SENP3: variants seen among roughly 807,000 people sequenced by gnomAD.
SENP3 encodes SUMO specific peptidase 3.
SENP3 carries 11 observed loss-of-function variants against 66.2 expected under a neutral mutation model. That is an observed-to-expected ratio of 0.17 (90% CI 0.10 to 0.28). The LOEUF (loss-of-function observed/expected upper bound fraction) is 0.28. SENP3 is among the 10% of genes least tolerant of loss of function. The pLI is 1.00. For synonymous variants in SENP3, 292 were observed against 277.6 expected (o/e 1.05, Z -0.52); for missense variants, 548 against 743.7 (o/e 0.74, Z 3.06).
chr17:7,564,564 A>C (rs909414274), intron 2 of SENP3, 61 bp from the exon 3 acceptor site: 3 of 1,598,866 alleles, frequency 1.9e-6, no homozygotes, highest in Non-Finnish European at 1.7e-6. Flanking sequence ...AACTGTGTGC[A>C]TCCCATTGTG....
At chr17:7,566,039 A>G (rs894133093) in intron 6 of SENP3, 3 of 332,850 alleles carry the variant, frequency 9.0e-6, no homozygotes, top group African/African-American at 2.1e-5. Context: ...GATTTAAAAA[A>G]AAAAAGAAAA....
Position 7,564,878 on chromosome 17 carries a change from A to T in SENP3, c.955+14A>T. The T allele has an allele frequency of 6.2e-7, 1 of 1,603,288 alleles. No homozygotes were observed. The highest frequency in any genetic ancestry group is 8.5e-7 in the Non-Finnish European group (1 of 1,172,032). ...CCTGCGTACAGAGTAAGGAGCCCTT[A>T]AGCAACTAGCCTCTCTCCCTTCTCC... On this transcript the variant is annotated intron_variant, in intron 3 of 10. Coordinates refer to ENST00000321337, the MANE Select transcript of SENP3 (RefSeq NM_015670.6).
chr17:7,563,397 C>T lies in SENP3; in HGVS notation c.321C>T (p.Thr107=). 2.6e-6 allele frequency: 4 copies of T among 1,551,018 alleles called. No homozygotes were observed. Among genetic ancestry groups the T allele is most frequent in the Non-Finnish European group, 3.5e-6 (4 of 1,146,940 alleles). ...RLPPRWSQLG[T]SQRPRPSRPT... ...CCCCAAGATGGAGTCAGCTGGGAAC[C>T]TCCCAGCGGCCCCGCCCTTCCCGCC... Residue 107 remains threonine, a synonymous_variant, in exon 2 of 11, where the codon ACC becomes ACT. Transcript: ENST00000321337.
In SENP3 at chr17:7,564,775, A is replaced by G. The variant is rs1222652885; in HGVS notation, c.866A>G (p.Asp289Gly). 1 of 1,613,976 alleles carries G rather than the reference A, an allele frequency of 6.2e-7. No individual in the cohort carries two copies. The part of the protein sequence containing the change: ...HVAQELFQGS[D>G]LGMAEEAERP... The stretch of plus-strand genomic sequence containing the variant: ...GCCCAGGAGCTTTTTCAGGGCTCAG[A>G]TTTGGGCATGGCAGAAGAGGCAGAG... The change falls in exon 3 of 11, where the codon GAT becomes GGT. Residue 289 changes from aspartate to glycine, a missense_variant. Transcript: ENST00000321337.
chr17:7,569,093 AT>A (rs1567729958), intron 7 of SENP3, among the ~76,000 whole-genome samples: 1 of 152,114 alleles, frequency 6.6e-6, no homozygotes, highest in Non-Finnish European at 1.5e-5. Flanking sequence ...AGGAAAGAAG[AT>A]TTGTTTTTTT....
At chr17:7,567,101 GTCTT>G in intron 7 of SENP3, 97 bp downstream of exon 7, 1 of 836,688 alleles carries the variant, frequency 1.2e-6, no homozygotes. Flanking sequence ...TGTTCATTCA[GTCTT>G]TCAAAGATTA....
Position 7,562,794 on chromosome 17 carries a change from G to C in SENP3, c.-11-272G>C, listed in dbSNP as rs1171028062. On this transcript the variant is annotated intron_variant, in intron 1 of 10. Transcript: ENST00000321337. The surrounding 1 kb of genome is among the most constrained non-coding windows in gnomAD (Gnocchi z 5.0). ...AGACGTAGAACCTGGCAGTGCTATT[G>C]GGTTTGGCCTGGTGATCTTAGAAAT... is the stretch of plus-strand genomic sequence containing the variant. 6.6e-6 allele frequency among the ~76,000 whole-genome samples: 1 copy of C among 152,186 alleles called. No homozygotes were observed. Among genetic ancestry groups the C allele is most frequent in the African/African-American group, 2.4e-5 (1 of 41,438 alleles).
Position 7,564,700 on chromosome 17 carries a change from C to G in SENP3, c.791C>G (p.Pro264Arg). 1 of 1,614,042 alleles carries G rather than the reference C, an allele frequency of 6.2e-7. No homozygotes were observed. Among genetic ancestry groups the G allele is most frequent in the African/African-American group, 1.3e-5 (1 of 75,056 alleles). Reference sequence around the variant, plus strand: ...GAAGGGGAGCGCAGCTTGGCACCCCCTGATGCCAGCATCCTCATCAGCAAT... The same window carrying G: ...GAAGGGGAGCGCAGCTTGGCACCCCGTGATGCCAGCATCCTCATCAGCAAT... ...GPEGERSLAP[P>R]DASILISNVC... Residue 264 changes from proline to arginine, a missense_variant, in exon 3 of 11, where the codon CCT becomes CGT. This residue lies in a region of SENP3 where 215 missense variants were observed against 230.7 expected (regional missense o/e 0.93). Coordinates refer to ENST00000321337, the MANE Select transcript of SENP3 (RefSeq NM_015670.6).
chr17:7,571,561 T>A lies in SENP3; in HGVS notation c.*78T>A. 1 of 926,844 alleles carries A rather than the reference T, an allele frequency of 1.1e-6. No homozygotes were observed. Among genetic ancestry groups the A allele is most frequent in the Non-Finnish European group, 1.7e-6 (1 of 574,376 alleles). The allele number at this position is 926,844 out of a possible 1,614,324, so 57.4% of individuals were successfully genotyped here. On this transcript the variant is annotated 3_prime_UTR_variant, in exon 11 of 11. Coordinates refer to ENST00000321337, the MANE Select transcript of SENP3 (RefSeq NM_015670.6). Reference sequence around the variant, plus strand: ...CCTTCCCAAGAAACTCCAGTTCCTTTCCTCTCTTGCCTCTTCCCACTCACT... The same window carrying A: ...CCTTCCCAAGAAACTCCAGTTCCTTACCTCTCTTGCCTCTTCCCACTCACT...
rs937352313 is a variant in SENP3, at chr17:7,571,053, T to C, written c.1614+120T>C. ...CAGTTGTGGAGCAGGAAGTAATCTG[T>C]TTTAGAACACCAAAACACTGGCTTC... On this transcript the variant is annotated intron_variant, in intron 10 of 10. Transcript: ENST00000321337. The C allele has an allele frequency of 2.3e-5, 20 of 854,952 alleles. No individual in the cohort carries two copies. The Admixed American group carries it at 5.2e-4, about 22-fold the overall frequency. The allele number at this position is 854,952 out of a possible 1,614,324, so 53.0% of individuals were successfully genotyped here. A position where few individuals can be genotyped will look rare whatever the true frequency, so the allele number is the denominator to read the frequency against.
Position 7,571,433 on chromosome 17 carries a change from C to CCTGGTAT in SENP3, c.1675_1676insCTGGTAT (p.Leu559ProfsTer29). ...CTTCACCCAGCAGGACATGCCCAAA[C>CCTGGTAT]TTCGTCGGCAGATCTACAAGGAGCT... is the stretch of plus-strand genomic sequence containing the variant. On this transcript the variant is annotated frameshift_variant, in exon 11 of 11. Transcript: ENST00000321337. LOFTEE classifies it high-confidence loss of function. 1.9e-6 allele frequency: 3 copies of CCTGGTAT among 1,610,008 alleles called. No homozygotes were observed. In the Admixed American group the frequency reaches 5.1e-5, roughly 27 times the overall value.
rs58537439 is a variant in SENP3 at position 7,571,837 on chromosome 17, TTATATATATATATA to T, written c.*413_*426del. The T allele has an allele frequency of 2.3e-4, 7 of 30,484 alleles. No homozygotes were observed. Among genetic ancestry groups the T allele is most frequent in the Admixed American group, 2.1e-3 (4 of 1,912 alleles). 1.9% of individuals were successfully genotyped at this position (30,484 alleles called of 1,614,324 possible). On this transcript the variant is annotated 3_prime_UTR_variant, in exon 11 of 11. Coordinates refer to ENST00000321337, the MANE Select transcript of SENP3 (RefSeq NM_015670.6). ...CACTGCCTGCCAGATCTTCAAACTTTTATATATATATATATATATATATATATATATATATATAT... is the reference window on the plus strand; with the variant it reads ...CACTGCCTGCCAGATCTTCAAACTTTTATATATATATATATATATATATAT...
rs754609939 is a variant in SENP3 at position 7,563,334 on chromosome 17, T to G, written c.258T>G (p.Asp86Glu). The change falls in exon 2 of 11, where the codon GAT becomes GAG. Residue 86 changes from aspartate (D) to glutamate (E), a missense_variant. By Grantham distance (45) the Asp-to-Glu change is conservative. This residue lies in a region of SENP3 where 164 missense variants were observed against 167.9 expected (regional missense o/e 0.98). Transcript: ENST00000321337. ...EEEEEEEEEE[D>E]EDEEEEVAAW... Reference sequence around the variant, plus strand: ...AGGAAGAAGAGGAGGAGGAGGAGGATGAAGATGAAGAGGAGGAAGTGGCAG... The same window carrying G: ...AGGAAGAAGAGGAGGAGGAGGAGGAGGAAGATGAAGAGGAGGAAGTGGCAG... 1.9e-6 allele frequency: 3 copies of G among 1,552,234 alleles called. No homozygotes were observed. In the South Asian group the frequency reaches 3.6e-5, roughly 18 times the overall value.
Position 7,570,996 on chromosome 17 carries a change from G to T in SENP3, c.1614+63G>T. ...GTCAGTTGGGTTAAAGGGTCGGGAGGCTGTTATGCATCCCCTCATTTGGCT... is the reference window on the plus strand; with the variant it reads ...GTCAGTTGGGTTAAAGGGTCGGGAGTCTGTTATGCATCCCCTCATTTGGCT... On this transcript the variant is annotated intron_variant, in intron 10 of 10. Coordinates refer to ENST00000321337, the MANE Select transcript of SENP3 (RefSeq NM_015670.6). The surrounding 1 kb of genome is among the most constrained non-coding windows in gnomAD (Gnocchi z 5.4). 7.0e-7 allele frequency: 1 copy of T among 1,435,466 alleles called. No individual in the cohort carries two copies. The allele number at this position is 1,435,466 out of a possible 1,614,324, so 88.9% of individuals were successfully genotyped here.
intron 4 of SENP3, 121 bp downstream of exon 4, chr17:7,565,191 G>A: frequency 2.3e-6 from 2 of 869,748 alleles, no homozygotes; most frequent in Non-Finnish European, 3.6e-6. Flanking sequence ...CTGAAGGGGA[G>A]GACTCTGCAG....
chr17:7,564,431 T>C (rs1323329839), intron 2 of SENP3, 194 bp from the exon 3 acceptor site: 1 of 775,352 alleles, frequency 1.3e-6, no homozygotes, highest in South Asian at 1.5e-5. Flanking sequence ...TCTCCATCCC[T>C]GTAGAATCTC....
intron 7 of SENP3, among the ~76,000 whole-genome samples, chr17:7,568,261 G>A (rs1174373842): frequency 6.6e-6 from 1 of 151,852 alleles, no homozygotes; most frequent in Non-Finnish European, 1.5e-5. Context: ...AATCACTGAG[G>A]ATCAGTGATT....
chr17:7,568,102 C>T (rs2071281958), intron 7 of SENP3, among the ~76,000 whole-genome samples: 1 of 150,992 alleles, frequency 6.6e-6, no homozygotes, highest in Non-Finnish European at 1.5e-5. Context: ...CTTCTAAAAT[C>T]CTTGGAATCT....
intron 10 of SENP3, 33 bp from the exon 11 acceptor site, chr17:7,571,340 G>T (rs764880816): frequency 6.8e-7 from 1 of 1,473,950 alleles, no homozygotes; most frequent in Non-Finnish European, 9.5e-7. Context: ...CTGACACGGG[G>T]GGTTTCTCAT....
Sources: gnomAD v4.1 joint callset for allele counts (sites outside exome capture counted in the v4.1 genomes callset) on GRCh38, gnomAD v4.1.1 for gene constraint, gnomAD v4.1.1 regional missense constraint, Gnocchi (gnomAD v3.1) non-coding constraint, MANE v1.5 for transcripts, NCBI Gene and HGNC (gene_info 2026-07-23, HGNC 2026-07-21) for gene names.